RGS6: variants seen among roughly 807,000 people sequenced by gnomAD.
RGS6 encodes regulator of G-protein signaling 6.
RGS6 carries 30 observed loss-of-function variants against 78.5 expected under a neutral mutation model. The ratio of observed to expected loss-of-function variants is 0.38; its 90% confidence interval spans 0.29 to 0.52. RGS6 has a LOEUF of 0.52. Ranked by LOEUF, RGS6 falls within the 20% of genes least tolerant of loss-of-function variation. The pLI is 0.85. For synonymous variants in RGS6, 206 were observed against 206.0 expected, an observed-to-expected ratio of 1.00 and a Z score of 0.00; for missense variants, 495 against 609.7, an observed-to-expected ratio of 0.81 and a Z score of 1.98.
chr14:72,197,504 G>A (rs1464816032), intron 2 of RGS6, among the ~76,000 whole-genome samples: 1 of 152,178 alleles, frequency 6.6e-6, no homozygotes, highest in Non-Finnish European at 1.5e-5. Flanking sequence ...CTTGGCAAAC[G>A]AAGAAGGGAA....
intron 12 of RGS6, 39 bp from the exon 13 acceptor site, chr14:72,495,113 G>A: frequency 8.6e-7 from 1 of 1,164,736 alleles, no homozygotes; most frequent in East Asian, 2.3e-5. Flanking sequence ...GTTTTCTAAG[G>A]AAATCAGTGG....
rs1256564057 is a variant in RGS6 at position 72,563,015 on chromosome 14, T to C, written c.*548T>C. On this transcript the variant is annotated 3_prime_UTR_variant, in exon 18 of 18. Coordinates refer to ENST00000553525, the MANE Select transcript of RGS6 (RefSeq NM_001204424.2). ...GGGTGTCACTGCCAGCACCAGGCAC[T>C]GCTTTCACGTAAAATGTCCAAATCA... The C allele has an allele frequency of 1.8e-6, 1 of 551,332 alleles. No individual in the cohort carries two copies. Among genetic ancestry groups the C allele is most frequent in the Admixed American group, 3.1e-5 (1 of 32,594 alleles). The allele number at this position is 551,332 out of a possible 1,614,324, so 34.2% of individuals were successfully genotyped here.
Position 72,536,226 on chromosome 14 carries a change from G to A in RGS6, c.1319G>A (p.Arg440His), listed in dbSNP as rs1011152872. The A allele has an allele frequency of 4.3e-6, 7 of 1,613,696 alleles. No homozygotes were observed. The highest frequency in any genetic ancestry group is 1.7e-5 in the Admixed American group (1 of 59,992). Residue 440 changes from arginine to histidine, a missense_variant, in exon 16 of 18, where the codon CGC becomes CAC. By Grantham distance (29) the Arg-to-His change is conservative. Transcript: ENST00000553525. ...CTGATGAAGAGTGACAGCTATGCCC[G>A]CTTCCTCCGGTCAAATGCTTACCAG... Reference protein sequence around the residue: ...YKLMKSDSYARFLRSNAYQDL... With the variant: ...YKLMKSDSYAHFLRSNAYQDL...
chr14:72,562,471 T>G lies in RGS6; in HGVS notation c.*4T>G. On this transcript the variant is annotated 3_prime_UTR_variant, in exon 18 of 18. Coordinates refer to ENST00000553525, the MANE Select transcript of RGS6 (RefSeq NM_001204424.2). ...GGGCCTGATGCAGTCCTCCTGACCGTTCCTACCGCAGGTCCAGGGCCTGGG... is the reference window on the plus strand; with the variant it reads ...GGGCCTGATGCAGTCCTCCTGACCGGTCCTACCGCAGGTCCAGGGCCTGGG... 6.2e-7 allele frequency: 1 copy of G among 1,612,288 alleles called. No individual in the cohort carries two copies.
chr14:72,550,788 C>A (rs1001652503), intron 17 of RGS6: 3 of 649,486 alleles, frequency 4.6e-6, no homozygotes, highest in South Asian at 6.0e-5. Flanking sequence ...CTTGGCTAAT[C>A]TTTAATCATA....
chr14:72,029,065 T>C (rs2090406732), intron 2 of RGS6, among the ~76,000 whole-genome samples: 1 of 152,194 alleles, frequency 6.6e-6, no homozygotes, highest in Admixed American at 6.5e-5. Flanking sequence ...CAACAGAGGA[T>C]GGATAACATA....
At chr14:72,090,330 C>T (rs558688960) in intron 2 of RGS6, among the ~76,000 whole-genome samples, 9 of 152,260 alleles carry the variant, frequency 5.9e-5, no homozygotes, top group African/African-American at 7.2e-5. Flanking sequence ...GTGGCACAGC[C>T]GGAGGTGAGC....
intron 2 of RGS6, among the ~76,000 whole-genome samples, chr14:72,297,367 C>A (rs2065048415): frequency 6.6e-6 from 1 of 150,748 alleles, no homozygotes; most frequent in Admixed American, 6.6e-5. Context: ...TGAAAAGAAC[C>A]AACATCTTAA....
chr14:72,000,681 C>T (rs963369741), intron 2 of RGS6, among the ~76,000 whole-genome samples: 2 of 151,954 alleles, frequency 1.3e-5, no homozygotes, highest in Non-Finnish European at 1.5e-5. Flanking sequence ...GGATGTTGTA[C>T]CAGAGGAGTC....
At chr14:72,538,233 C>G (rs922149452) in intron 16 of RGS6, among the ~76,000 whole-genome samples, 2 of 152,160 alleles carry the variant, frequency 1.3e-5, no homozygotes, top group Admixed American at 6.5e-5. Flanking sequence ...TTCACCGTAT[C>G]CAGGTCATAA....
chr14:72,101,171 C>A (rs2095520024), intron 2 of RGS6, among the ~76,000 whole-genome samples: 1 of 152,154 alleles, frequency 6.6e-6, no homozygotes, highest in Non-Finnish European at 1.5e-5. Flanking sequence ...GAGTGAGACC[C>A]TGTCTCAAAA....
At chr14:72,122,366 A>G (rs1162599768) in intron 2 of RGS6, among the ~76,000 whole-genome samples, 3 of 152,154 alleles carry the variant, frequency 2.0e-5, no homozygotes, top group Non-Finnish European at 4.4e-5. Flanking sequence ...AGTAGCCCTT[A>G]GCACAGACCA....
intron 2 of RGS6, among the ~76,000 whole-genome samples, chr14:71,999,958 A>G (rs545663773): frequency 1.0e-3 from 155 of 152,182 alleles, no homozygotes; most frequent in African/African-American, 3.5e-3. Flanking sequence ...CAAAAACTGC[A>G]AGAGAAGTTT....
At chr14:72,167,106 AGTATTACCCAGG>A (rs2096938955) in intron 2 of RGS6, among the ~76,000 whole-genome samples, 1 of 152,210 alleles carries the variant, frequency 6.6e-6, no homozygotes, top group Non-Finnish European at 1.5e-5. Flanking sequence ...GCTACGCTCA[AGTATTACCCAGG>A]ATTAGGTCCT....
chr14:72,126,392 C>T (rs1253947505), intron 2 of RGS6, among the ~76,000 whole-genome samples: 1 of 152,168 alleles, frequency 6.6e-6, no homozygotes, highest in Admixed American at 6.5e-5. Context: ...AGGAACCTCT[C>T]CCCACCATCT....
chr14:72,077,670 A>C (rs1330570340), intron 2 of RGS6, among the ~76,000 whole-genome samples: 2 of 152,114 alleles, frequency 1.3e-5, no homozygotes, highest in East Asian at 3.8e-4. Flanking sequence ...TGACTACTGC[A>C]GGCAACATAC....
chr14:71,984,708 G>A (rs1348850225), intron 2 of RGS6, among the ~76,000 whole-genome samples: 6 of 152,048 alleles, frequency 3.9e-5, no homozygotes, highest in South Asian at 2.1e-4. Context: ...TATAAGATAC[G>A]TGCTTTATAT....
chr14:72,409,737 C>T lies in RGS6; in HGVS notation c.185-44791C>T, dbSNP rs59515962. ...TCTCCCCCAACCCCACAACAGTCCT[C>T]GGTGTGTGATGTTCCCCTTCCTGTG... On this transcript the variant is annotated intron_variant, in intron 3 of 17. Transcript: ENST00000553525. Among the ~76,000 whole-genome samples the T allele has an allele frequency of 8.2e-3, 1,245 of 152,134 alleles. 41 individuals are homozygous for T. Among genetic ancestry groups the T allele is most frequent in the East Asian group, 0.052 (269 of 5,178 alleles).
intron 2 of RGS6, among the ~76,000 whole-genome samples, chr14:72,018,389 AT>A (rs961471343): frequency 1.3e-5 from 2 of 151,638 alleles, no homozygotes. Context: ...AGTGGGTCTC[AT>A]TTTTTCTGTA....
Sources: allele counts gnomAD v4.1 joint callset (sites outside exome capture counted in the v4.1 genomes callset), GRCh38; gene constraint gnomAD v4.1.1; transcripts MANE v1.5; gene names NCBI Gene and HGNC (gene_info 2026-07-23, HGNC 2026-07-21).